Variants in GPC5 observed in about 807,000 individuals in gnomAD.
GPC5 encodes the protein glypican 5.
In GPC5, 47 loss-of-function variants were observed where a neutral mutation model predicts 53.9. The ratio of observed to expected loss-of-function variants is 0.87; its 90% CI spans 0.69 to 1.11. The LOEUF (loss-of-function observed/expected upper bound fraction) is 1.11. Among genes scored for constraint, GPC5 ranks in the 50% most tolerant of loss-of-function variants. The pLI, the probability that GPC5 is intolerant of heterozygous loss-of-function variation, is 0.00. For synonymous variants in GPC5, 286 were observed against 263.3 expected (o/e 1.09, Z -0.84); for missense variants, 748 against 713.1 (o/e 1.05, Z -0.56).
chr13:92,031,572 T>C (rs1428224565), intron 6 of GPC5, among the ~76,000 whole-genome samples: 2 of 147,736 alleles, frequency 1.4e-5, no homozygotes, highest in East Asian at 2.0e-4. Context: ...TTTTTTATTA[T>C]GGCCATTCTT....
At chr13:91,507,058 T>C (rs1026005795) in intron 2 of GPC5, among the ~76,000 whole-genome samples, 2 of 152,156 alleles carry the variant, frequency 1.3e-5, no homozygotes, top group Admixed American at 1.3e-4. Flanking sequence ...AATATGTGTA[T>C]ATATCTTAGT....
intron 6 of GPC5, among the ~76,000 whole-genome samples, chr13:92,082,135 C>T (rs2041300571): frequency 6.6e-6 from 1 of 152,046 alleles, no homozygotes; most frequent in Non-Finnish European, 1.5e-5. Context: ...GGGAGTTTGT[C>T]TGTGAAGGAA....
At chr13:92,520,028 G>A (rs1335478697) in intron 7 of GPC5, among the ~76,000 whole-genome samples, 1 of 152,138 alleles carries the variant, frequency 6.6e-6, no homozygotes. Context: ...AGAAAATGTA[G>A]AAGAAACAGA....
intron 7 of GPC5, among the ~76,000 whole-genome samples, chr13:92,440,277 C>T (rs1289034909): frequency 1.3e-5 from 2 of 152,100 alleles, no homozygotes; most frequent in African/African-American, 4.8e-5. Flanking sequence ...TAGTAGTCTC[C>T]AGTGTCTATG....
At chr13:91,867,473 A>G (rs972971109) in intron 5 of GPC5, among the ~76,000 whole-genome samples, 1 of 152,240 alleles carries the variant, frequency 6.6e-6, no homozygotes, top group African/African-American at 2.4e-5. Context: ...AAAAGAAATC[A>G]TGGACATTAA....
At chr13:92,376,346 C>A (rs1324838015) in intron 7 of GPC5, among the ~76,000 whole-genome samples, 1 of 152,158 alleles carries the variant, frequency 6.6e-6, no homozygotes, top group East Asian at 1.9e-4. Flanking sequence ...TCCATGTCAT[C>A]AATTTTTGCA....
chr13:91,694,645 G>A (rs2035840812), intron 3 of GPC5, among the ~76,000 whole-genome samples: 1 of 152,174 alleles, frequency 6.6e-6, no homozygotes, highest in African/African-American at 2.4e-5. Flanking sequence ...GAGTGAAATA[G>A]GATAGCATGC....
intron 7 of GPC5, among the ~76,000 whole-genome samples, chr13:92,451,915 G>A (rs917715860): frequency 1.2e-4 from 18 of 152,112 alleles, no homozygotes; most frequent in South Asian, 4.1e-4. Flanking sequence ...GTATCTCTGC[G>A]ATGTGGTGAT....
chr13:91,896,413 T>C (rs1211088179), intron 5 of GPC5, among the ~76,000 whole-genome samples: 2 of 152,130 alleles, frequency 1.3e-5, no homozygotes, highest in Non-Finnish European at 2.9e-5. Context: ...GCCACCGCAC[T>C]GGCCCCCTAT....
chr13:92,009,443 G>C (rs934426756), intron 6 of GPC5, among the ~76,000 whole-genome samples: 1 of 152,042 alleles, frequency 6.6e-6, no homozygotes, highest in Non-Finnish European at 1.5e-5. Flanking sequence ...ACAATGTCTA[G>C]AGACTCTACT....
intron 6 of GPC5, among the ~76,000 whole-genome samples, chr13:92,008,216 C>T (rs2040626847): frequency 6.6e-6 from 1 of 152,052 alleles, no homozygotes; most frequent in South Asian, 2.1e-4. Context: ...GCGCCCGCTA[C>T]CACGCCCGGC....
At chr13:91,572,100 T>C (rs1262747075) in intron 2 of GPC5, among the ~76,000 whole-genome samples, 1 of 127,952 alleles carries the variant, frequency 7.8e-6, no homozygotes, top group East Asian at 2.0e-4. Context: ...CATGTGTGTG[T>C]ATATACACAC....
chr13:92,202,083 G>A (rs2042299111), intron 7 of GPC5, among the ~76,000 whole-genome samples: 1 of 152,162 alleles, frequency 6.6e-6, no homozygotes, highest in Admixed American at 6.5e-5. Flanking sequence ...TATGTCAGAA[G>A]TCAGTCTCAA....
intron 5 of GPC5, among the ~76,000 whole-genome samples, chr13:91,774,937 A>T (rs1281794886): frequency 6.6e-6 from 1 of 152,114 alleles, no homozygotes; most frequent in Non-Finnish European, 1.5e-5. Context: ...CCAAGCATCT[A>T]CTTCTAGGGA....
intron 7 of GPC5, among the ~76,000 whole-genome samples, chr13:92,694,058 G>T (rs548112526): frequency 6.6e-6 from 1 of 152,316 alleles, no homozygotes; most frequent in Non-Finnish European, 1.5e-5. Flanking sequence ...TTGCTTCAGA[G>T]TGTGCAAGAC....
intron 7 of GPC5, among the ~76,000 whole-genome samples, chr13:92,160,737 A>C (rs554178364): frequency 6.6e-6 from 1 of 152,310 alleles, no homozygotes; most frequent in South Asian, 2.1e-4. Flanking sequence ...AACTCTACAG[A>C]ACAGGGGAAA....
chr13:92,021,717 G>C (rs1003943825), intron 6 of GPC5, among the ~76,000 whole-genome samples: 1 of 152,120 alleles, frequency 6.6e-6, no homozygotes, highest in African/African-American at 2.4e-5. Flanking sequence ...CTAACAATAG[G>C]CTTTATCCAT....
At chr13:92,784,971 A>G (rs2138766534) in intron 7 of GPC5, among the ~76,000 whole-genome samples, 1 of 152,114 alleles carries the variant, frequency 6.6e-6, no homozygotes, top group South Asian at 2.1e-4. Flanking sequence ...CGTATACTGA[A>G]CCTCCATCAG....
At chr13:91,816,021 G>T (rs151046406) in intron 5 of GPC5, among the ~76,000 whole-genome samples, 1 of 152,192 alleles carries the variant, frequency 6.6e-6, no homozygotes, top group East Asian at 1.9e-4. Flanking sequence ...TCCCTGGGAA[G>T]CTTACCTAGC....
Sources: gnomAD v4.1 joint callset for allele counts (sites outside exome capture counted in the v4.1 genomes callset) on GRCh38, gnomAD v4.1.1 for gene constraint, MANE v1.5 for transcripts, NCBI Gene and HGNC (gene_info 2026-07-23, HGNC 2026-07-21) for gene names.